CAMTA1: variants seen among roughly 807,000 people sequenced by gnomAD.
CAMTA1 encodes the protein calmodulin-binding transcription activator 1.
CAMTA1 carries 27 observed loss-of-function variants against 170.9 expected under a neutral mutation model. The ratio of observed to expected loss-of-function variants is 0.16; its 90% CI spans 0.12 to 0.22. The LOEUF (loss-of-function observed/expected upper bound fraction) is 0.22, where lower values mean the gene tolerates loss of function less well. Ranked by LOEUF, CAMTA1 falls within the 10% of genes least tolerant of loss-of-function variation. The probability of loss-of-function intolerance (pLI) is 1.00; values close to 1 mark genes in which losing one functional copy is unlikely to be tolerated. For synonymous variants in CAMTA1, 833 were observed against 891.5 expected, an observed-to-expected ratio of 0.93 and a Z score of 1.17; for missense variants, 1,619 against 2,217.2, an observed-to-expected ratio of 0.73 and a Z score of 5.42.
chr1:7,695,720 G>C (rs553694282), intron 11 of CAMTA1, among the ~76,000 whole-genome samples: 1 of 152,132 alleles, frequency 6.6e-6, no homozygotes. Flanking sequence ...GTGCCAAAGA[G>C]AGATCAGCAG....
At chr1:7,391,603 C>T (rs2088725107) in intron 5 of CAMTA1, among the ~76,000 whole-genome samples, 1 of 152,162 alleles carries the variant, frequency 6.6e-6, no homozygotes, top group Non-Finnish European at 1.5e-5. Flanking sequence ...ATCACCACCA[C>T]AATCAATATG....
chr1:7,274,955 A>C (rs1670356773), intron 5 of CAMTA1, among the ~76,000 whole-genome samples: 1 of 152,126 alleles, frequency 6.6e-6, no homozygotes, highest in Admixed American at 6.5e-5. Flanking sequence ...CAGCCTGGCC[A>C]ACATGGTGAA....
intron 6 of CAMTA1, among the ~76,000 whole-genome samples, chr1:7,498,795 G>A (rs931191739): frequency 2.7e-5 from 4 of 147,990 alleles, no homozygotes; most frequent in East Asian, 2.0e-4. Flanking sequence ...GTATGTGTGT[G>A]CATGTGTGTA....
chr1:6,798,600 T>TAGTAGAGGTGAGGTGTCACCA (rs1435736432), intron 1 of CAMTA1, among the ~76,000 whole-genome samples: 16 of 128,060 alleles, frequency 1.2e-4, no homozygotes, highest in South Asian at 5.4e-4. Context: ...TTTTTTTTTT[T>TAGTAGAGGTGAGGTGTCACCA]TTTTTTTGAG....
intron 3 of CAMTA1, among the ~76,000 whole-genome samples, chr1:7,053,888 G>A (rs1207335236): frequency 1.3e-5 from 2 of 152,196 alleles, no homozygotes; most frequent in Non-Finnish European, 2.9e-5. Flanking sequence ...TCTTCCTGGT[G>A]GGAGACAGCC....
chr1:7,745,162 T>C (rs2096848149), intron 17 of CAMTA1, 140 bp downstream of exon 17: 1 of 768,282 alleles, frequency 1.3e-6, no homozygotes, highest in East Asian at 2.7e-5. Flanking sequence ...ACAAGCTCTG[T>C]TGCCACTTTC....
At chr1:7,607,915 G>T (rs939628753) in intron 6 of CAMTA1, among the ~76,000 whole-genome samples, 1 of 152,198 alleles carries the variant, frequency 6.6e-6, no homozygotes, top group Non-Finnish European at 1.5e-5. Context: ...TGTGTGGAAA[G>T]GGAGCAAGTC....
chr1:7,129,829 T>A (rs914464734), intron 4 of CAMTA1, among the ~76,000 whole-genome samples: 1 of 152,154 alleles, frequency 6.6e-6, no homozygotes, highest in African/African-American at 2.4e-5. Flanking sequence ...ACCACTTACC[T>A]GTTTTCTGTC....
intron 5 of CAMTA1, among the ~76,000 whole-genome samples, chr1:7,329,704 A>G (rs2082902442): frequency 6.6e-6 from 1 of 152,160 alleles, no homozygotes; most frequent in South Asian, 2.1e-4. Flanking sequence ...AGATTGTTCA[A>G]TTACAGAAGC....
chr1:7,188,302 G>T (rs528325197), intron 4 of CAMTA1, among the ~76,000 whole-genome samples: 1 of 152,308 alleles, frequency 6.6e-6, no homozygotes, highest in East Asian at 1.9e-4. Flanking sequence ...AAAGGAAATT[G>T]TGGTGAAATG....
intron 22 of CAMTA1, among the ~76,000 whole-genome samples, chr1:7,762,708 T>C (rs2096985063): frequency 6.6e-6 from 1 of 152,210 alleles, no homozygotes; most frequent in African/African-American, 2.4e-5. Context: ...AGAATAAAGC[T>C]AAAAATCTCC....
intron 3 of CAMTA1, among the ~76,000 whole-genome samples, chr1:6,929,599 G>A (rs1684016252): frequency 2.6e-5 from 4 of 152,138 alleles, no homozygotes; most frequent in Non-Finnish European, 1.5e-5. Flanking sequence ...TCCTGACCTC[G>A]TGATCCGCCC....
chr1:7,569,032 C>T (rs976238403), intron 6 of CAMTA1, among the ~76,000 whole-genome samples: 2 of 150,792 alleles, frequency 1.3e-5, no homozygotes, highest in African/African-American at 4.9e-5. Context: ...ATTACCATTA[C>T]CATCATCACC....
chr1:7,277,115 A>G (rs1454750337), intron 5 of CAMTA1, among the ~76,000 whole-genome samples: 1 of 152,222 alleles, frequency 6.6e-6, no homozygotes, highest in Non-Finnish European at 1.5e-5. Flanking sequence ...TGGAAGACTC[A>G]GTGTTGTTAA....
intron 3 of CAMTA1, among the ~76,000 whole-genome samples, chr1:7,081,565 A>G (rs558162641): frequency 2.0e-4 from 31 of 152,298 alleles, no homozygotes; most frequent in African/African-American, 7.5e-4. Context: ...TGGATTGCCT[A>G]TATTGGTTCA....
chr1:7,655,100 A>T (rs996680935), intron 7 of CAMTA1, among the ~76,000 whole-genome samples: 1 of 9,478 alleles, frequency 1.1e-4, no homozygotes, highest in Non-Finnish European at 1.8e-4. Flanking sequence ...ATACACACAC[A>T]CCTATACACA....
rs772408731 is a variant in CAMTA1 at position 7,745,975 on chromosome 1, G to A, written c.4501G>A (p.Ala1501Thr). ...SAADWSEFLS[A>T]STSEKVENEF... ...CGCGGATTGGTCAGAATTCCTGAGT[G>A]CATCTACCAGTGAGAAGGTAGAGAA... Residue 1501 changes from alanine to threonine, a missense_variant, in exon 18 of 23, where the codon GCA (alanine) becomes ACA (threonine). By Grantham distance (58) the Ala-to-Thr change is moderately conservative. Coordinates refer to ENST00000303635, the MANE Select transcript of CAMTA1 (RefSeq NM_015215.4). The A allele has an allele frequency of 3.7e-6, 6 of 1,614,102 alleles. No homozygotes were observed. The Admixed American group carries it at 6.7e-5, about 18-fold the overall frequency.
chr1:7,736,800 G>C lies in CAMTA1; in HGVS notation c.3264-131G>C. 1.3e-6 allele frequency: 1 copy of C among 786,532 alleles called. No homozygotes were observed. The highest frequency in any genetic ancestry group is 2.1e-6 in the Non-Finnish European group (1 of 470,400). 48.7% of individuals were successfully genotyped at this position (786,532 alleles called of 1,614,324 possible). On this transcript the variant is annotated intron_variant, in intron 13 of 22. Coordinates refer to ENST00000303635, the MANE Select transcript of CAMTA1 (RefSeq NM_015215.4). This position sits in a 1 kb window ranked among gnomAD's most constrained non-coding sequence, Gnocchi z 4.5. ...AAATGGAGCGTCCACACTGCCCTGG[G>C]ACTCTGTTTCTTCACCATGGGGATG...
intron 6 of CAMTA1, among the ~76,000 whole-genome samples, chr1:7,632,873 T>A (rs2095681325): frequency 6.6e-6 from 1 of 152,188 alleles, no homozygotes; most frequent in South Asian, 2.1e-4. Context: ...GGGCTCAGCA[T>A]GCGGGAGGTG....
Sources: allele counts gnomAD v4.1 joint callset (sites outside exome capture counted in the v4.1 genomes callset), GRCh38; gene constraint gnomAD v4.1.1; non-coding constraint Gnocchi (gnomAD v3.1); transcripts MANE v1.5; gene names NCBI Gene and HGNC (gene_info 2026-07-23, HGNC 2026-07-21).